Variants in TOPAZ1 observed in about 807,000 individuals in gnomAD.
The protein encoded by TOPAZ1 is protein TOPAZ1.
A neutral mutation model predicts 172.2 loss-of-function variants in TOPAZ1; 66 were observed. That is an observed-to-expected ratio of 0.38 (90% CI 0.31 to 0.47). The LOEUF (loss-of-function observed/expected upper bound fraction) is 0.47. TOPAZ1 is among the 20% of genes least tolerant of loss of function. The probability of loss-of-function intolerance (pLI) is 0.99; values close to 1 mark genes in which losing one functional copy is unlikely to be tolerated. For missense variants in TOPAZ1, 1,822 were observed against 1,972.4 expected (o/e 0.92, Z 1.44); for synonymous variants, 681 against 683.9 (o/e 1.00, Z 0.07).
chr3:44,331,679 C>A, intron 19 of TOPAZ1, 113 bp from the exon 20 acceptor site: 1 of 880,748 alleles, frequency 1.1e-6, no homozygotes, highest in Non-Finnish European at 1.7e-6. Context: ...TTTAGAAGAA[C>A]ATGGTGAGAA....
At chr3:44,269,078 G>A (rs767314053) in intron 6 of TOPAZ1, 138 bp from the exon 7 acceptor site, 41 of 641,536 alleles carry the variant, frequency 6.4e-5, no homozygotes, top group Non-Finnish European at 1.1e-4. Flanking sequence ...AACACACATG[G>A]CAGCACAGTC....
chr3:44,274,350 G>A (rs963265019), intron 8 of TOPAZ1, among the ~76,000 whole-genome samples: 2 of 150,736 alleles, frequency 1.3e-5, no homozygotes, highest in South Asian at 2.1e-4. Context: ...GCAGTGAGGC[G>A]AGACTGAGCC....
At chr3:44,255,100 G>C (rs1007665218) in intron 3 of TOPAZ1, 71 bp downstream of exon 3, 2 of 1,110,320 alleles carry the variant, frequency 1.8e-6, no homozygotes, top group African/African-American at 1.5e-5. Flanking sequence ...GCCTAGTCAA[G>C]ATGAATTCAC....
intron 6 of TOPAZ1, among the ~76,000 whole-genome samples, chr3:44,267,717 A>G (rs1699847864): frequency 6.6e-6 from 1 of 152,208 alleles, no homozygotes; most frequent in South Asian, 2.1e-4. Context: ...GTATTTTAGA[A>G]CTTGTGTCAG....
At chr3:44,297,830 C>G (rs1700216953) in intron 12 of TOPAZ1, among the ~76,000 whole-genome samples, 1 of 151,716 alleles carries the variant, frequency 6.6e-6, no homozygotes, top group African/African-American at 2.4e-5. Flanking sequence ...AACCATATTT[C>G]TATATACTGA....
intron 16 of TOPAZ1, among the ~76,000 whole-genome samples, chr3:44,311,585 T>G (rs1046832426): frequency 6.6e-6 from 1 of 152,194 alleles, no homozygotes; most frequent in Non-Finnish European, 1.5e-5. Context: ...TAAACTTCTA[T>G]CAATTATAAG....
At chr3:44,270,172 C>T (rs569220937) in intron 7 of TOPAZ1, among the ~76,000 whole-genome samples, 2 of 152,198 alleles carry the variant, frequency 1.3e-5, no homozygotes, top group Non-Finnish European at 2.9e-5. Context: ...CTGTCATTTG[C>T]CTTGTTCTAT....
rs369288948 is a variant in TOPAZ1, at chr3:44,296,048, A to G, written c.3797+5162A>G. On this transcript the variant is annotated intron_variant, in intron 12 of 19. Coordinates refer to ENST00000309765, the MANE Select transcript of TOPAZ1 (RefSeq NM_001145030.2). The stretch of plus-strand genomic sequence containing the variant: ...TTTGACTGTAATGGAATCAAACTGG[A>G]AATCAACAATGGAGGTATAATAGGA... Among the ~76,000 whole-genome samples the G allele has an allele frequency of 2.6e-5, 4 of 152,214 alleles. No homozygotes were observed. The East Asian group carries it at 5.8e-4, about 22-fold the overall frequency.
intron 15 of TOPAZ1, among the ~76,000 whole-genome samples, chr3:44,307,508 G>A (rs1472664488): frequency 6.6e-6 from 1 of 152,078 alleles, no homozygotes; most frequent in Non-Finnish European, 1.5e-5. Context: ...ACATATTCCT[G>A]AGGTGGCAGG....
intron 6 of TOPAZ1, among the ~76,000 whole-genome samples, chr3:44,268,939 A>G (rs1042631090): frequency 6.6e-6 from 1 of 152,210 alleles, no homozygotes; most frequent in African/African-American, 2.4e-5. Flanking sequence ...ATTTGAATAC[A>G]GTGCCCAATG....
intron 8 of TOPAZ1, among the ~76,000 whole-genome samples, chr3:44,272,316 G>T (rs1198107417): frequency 6.6e-6 from 1 of 152,178 alleles, no homozygotes; most frequent in African/African-American, 2.4e-5. Context: ...TTTGAGGAAT[G>T]ACCATACAGT....
chr3:44,244,790 T>C lies in TOPAZ1; in HGVS notation c.2284T>C (p.Tyr762His), dbSNP rs574173534. 39 of 1,551,646 alleles carry C rather than the reference T, an allele frequency of 2.5e-5. No individual in the cohort carries two copies. In the African/African-American group the frequency reaches 5.2e-4, roughly 21 times the overall value. ...AGTGCAAGCTAGTTCTGACTCATTC[T>C]ACAATAAGAAATCCTATAGTATTTC... ...TPVQASSDSF[Y>H]NKKSYSISPS... is the part of the protein sequence containing the mutation. The change falls in exon 2 of 20, where the codon TAC (tyrosine) becomes CAC (histidine). Residue 762 changes from tyrosine (Y) to histidine (H), a missense_variant. Physicochemically the swap from Tyr to His is moderately conservative, Grantham distance 83 (BLOSUM62 2). Around this residue, in one of 2 missense-constraint regions of TOPAZ1, gnomAD observed 1,489 missense variants for 1,490.8 expected, o/e 1.00. Transcript: ENST00000309765.
Position 44,242,143 on chromosome 3 carries a change from AGGCGCGGCGGGAGGCTGT to A in TOPAZ1, c.94_111del (p.Ala32_Gly37del), listed in dbSNP as rs1438509146. ...TGCAGAAGCGGCAGGCGCCAGGGCC[AGGCGCGGCGGGAGGCTGT>A]GGCCCTGAGGCCGGGGGGTGCCGGG... On this transcript the variant is annotated inframe_deletion, in exon 1 of 20. Transcript: ENST00000309765. 1.3e-6 allele frequency: 2 copies of A among 1,548,434 alleles called. No homozygotes were observed. The highest frequency in any genetic ancestry group is 3.9e-5 in the Admixed American group (2 of 50,842).
At chr3:44,328,724 C>A (rs948852256) in intron 19 of TOPAZ1, among the ~76,000 whole-genome samples, 3 of 152,076 alleles carry the variant, frequency 2.0e-5, no homozygotes, top group Non-Finnish European at 2.9e-5. Flanking sequence ...AGGTACCAAC[C>A]TTTCTTGTGT....
intron 12 of TOPAZ1, among the ~76,000 whole-genome samples, chr3:44,298,929 T>TGTTTGTTTGTTTG (rs1559541959): frequency 3.8e-5 from 2 of 52,548 alleles, no homozygotes; most frequent in African/African-American, 1.3e-4. Context: ...TTTTTTTTTT[T>TGTTTGTTTGTTTG]TTTTTCCCCC....
intron 14 of TOPAZ1, 85 bp downstream of exon 14, chr3:44,305,406 G>A: frequency 1.6e-6 from 2 of 1,230,378 alleles, no homozygotes; most frequent in Non-Finnish European, 2.2e-6. Context: ...GTCTTCCTTT[G>A]TTACCCAGGC....
intron 14 of TOPAZ1, among the ~76,000 whole-genome samples, chr3:44,305,791 C>G (rs1440037937): frequency 6.6e-6 from 1 of 152,146 alleles, no homozygotes; most frequent in East Asian, 1.9e-4. Context: ...ACTCTTCCTT[C>G]TCTTTCTGAA....
intron 16 of TOPAZ1, among the ~76,000 whole-genome samples, chr3:44,313,289 A>G (rs1700414968): frequency 6.6e-6 from 1 of 152,042 alleles, no homozygotes; most frequent in Non-Finnish European, 1.5e-5. Flanking sequence ...CCCTATTCAG[A>G]TTTGCAGATG....
intron 8 of TOPAZ1, among the ~76,000 whole-genome samples, chr3:44,274,657 C>T (rs998338285): frequency 7.9e-5 from 12 of 151,340 alleles, no homozygotes; most frequent in African/African-American, 2.7e-4. Context: ...CGGGTTCAAG[C>T]GATTCTCCTG....
Sources: allele counts gnomAD v4.1 joint callset (sites outside exome capture counted in the v4.1 genomes callset), GRCh38; gene constraint gnomAD v4.1.1; regional missense constraint gnomAD v4.1.1; transcripts MANE v1.5; gene names NCBI Gene and HGNC (gene_info 2026-07-23, HGNC 2026-07-21).